MPZL1: variants seen among roughly 807,000 people sequenced by gnomAD.
MPZL1 encodes myelin protein zero-like protein 1.
In MPZL1, 16 loss-of-function variants were observed where a neutral mutation model predicts 29.3. The ratio of observed to expected loss-of-function variants is 0.55; its 90% confidence interval spans 0.37 to 0.83. The LOEUF (loss-of-function observed/expected upper bound fraction) is 0.83. Among genes scored for constraint, MPZL1 ranks in the 40% least tolerant of loss-of-function variants. MPZL1 has a pLI of 0.00. For missense variants in MPZL1, 279 were observed against 332.9 expected (o/e 0.84, Z 1.26); for synonymous variants, 143 against 132.0 (o/e 1.08, Z -0.57).
intron 1 of MPZL1, among the ~76,000 whole-genome samples, chr1:167,731,260 C>A (rs938296047): frequency 3.3e-5 from 5 of 151,954 alleles, no homozygotes; most frequent in African/African-American, 4.8e-5. Context: ...CATGATGAAA[C>A]CCCATCTCTA....
Position 167,722,001 on chromosome 1 carries a change from G to A in MPZL1, c.-151G>A. On this transcript the variant is annotated 5_prime_UTR_variant, in exon 1 of 6. Transcript: ENST00000359523. The stretch of plus-strand genomic sequence containing the variant: ...TTCGGTGCAGAGCTGGAGAGCCGCG[G>A]CTGGGACCGGAGTGGGGAGCGCGGC... 8.8e-7 allele frequency: 1 copy of A among 1,130,110 alleles called. No homozygotes were observed. The highest frequency in any genetic ancestry group is 1.1e-6 in the Non-Finnish European group (1 of 896,050). The allele number at this position is 1,130,110 out of a possible 1,614,324, so 70.0% of individuals were successfully genotyped here.
Position 167,776,164 on chromosome 1 carries a change from C to T in MPZL1, c.706C>T (p.Gln236Ter). The T allele has an allele frequency of 6.2e-7, 1 of 1,609,106 alleles. No homozygotes were observed. The highest frequency in any genetic ancestry group is 8.5e-7 in the Non-Finnish European group (1 of 1,176,302). The stretch of plus-strand genomic sequence containing the variant: ...AAAGAGTCTGCCTTCTGGATCTCAC[C>T]AGGTAATGGCTGATTGCGATTCTGC... Reference protein sequence around the residue: ...LVKSLPSGSHQGPVIYAQLDH... With the variant: ...LVKSLPSGSH The change falls in exon 5 of 6, where the codon CAG becomes TAG. Residue 236 changes from glutamine (Q) to a stop codon, truncating the protein, a stop_gained and splice_region_variant. Coordinates refer to ENST00000359523, the MANE Select transcript of MPZL1 (RefSeq NM_003953.6). LOFTEE classifies it high-confidence loss of function.
At chr1:167,732,673 A>G (rs10918749) in intron 1 of MPZL1, among the ~76,000 whole-genome samples, 60,148 of 151,936 alleles carry the variant, frequency 0.4, 14,349 homozygotes, top group African/African-American at 0.68. Context: ...TTAGAGTGCA[A>G]TGGTGCGACC....
chr1:167,778,189 T>C (rs1187904467), intron 5 of MPZL1, among the ~76,000 whole-genome samples: 1 of 151,792 alleles, frequency 6.6e-6, no homozygotes, highest in African/African-American at 2.4e-5. Flanking sequence ...GGTGTGGTGG[T>C]GCACACCTGT....
chr1:167,731,328 C>T (rs887016950), intron 1 of MPZL1, among the ~76,000 whole-genome samples: 6 of 94 alleles, frequency 0.064, no homozygotes, highest in Admixed American at 0.17. Flanking sequence ...CCCAGCTATT[C>T]GGGAAGGCTG....
intron 1 of MPZL1, among the ~76,000 whole-genome samples, chr1:167,761,064 T>C (rs1230577589): frequency 6.6e-6 from 1 of 152,020 alleles, no homozygotes; most frequent in East Asian, 1.9e-4. Context: ...ACCATGGAGG[T>C]CATTGCATTC....
chr1:167,776,574 T>A (rs1211097523), intron 5 of MPZL1, among the ~76,000 whole-genome samples: 1 of 152,192 alleles, frequency 6.6e-6, no homozygotes, highest in African/African-American at 2.4e-5. Context: ...TTCTTAGTAT[T>A]GATAATAAAA....
At chr1:167,777,149 A>G (rs1287350085) in intron 5 of MPZL1, among the ~76,000 whole-genome samples, 1 of 152,210 alleles carries the variant, frequency 6.6e-6, no homozygotes, top group Non-Finnish European at 1.5e-5. Context: ...AATATATGTC[A>G]GATACCTCAG....
intron 5 of MPZL1, among the ~76,000 whole-genome samples, chr1:167,779,337 C>A (rs1661441888): frequency 6.6e-6 from 1 of 152,096 alleles, no homozygotes; most frequent in Non-Finnish European, 1.5e-5. Flanking sequence ...GTAATCCTAG[C>A]ACTTTGGGAG....
rs1209692425 is a variant in MPZL1 at position 167,788,427 on chromosome 1, C to T, written c.*506C>T. The T allele has an allele frequency of 1.3e-5, 2 of 152,620 alleles. No individual in the cohort carries two copies. The highest frequency in any genetic ancestry group is 2.9e-5 in the Non-Finnish European group (2 of 68,116). 9.5% of individuals were successfully genotyped at this position (152,620 alleles called of 1,614,324 possible). ...GTATCAGTACCATTTATTTGTCTGC[C>T]GCTTTTAAAAAATACCCATTGGCTA... On this transcript the variant is annotated 3_prime_UTR_variant, in exon 6 of 6. Transcript: ENST00000359523.
At chr1:167,786,384 CTTAT>C (rs1661593893) in intron 5 of MPZL1, among the ~76,000 whole-genome samples, 1 of 152,144 alleles carries the variant, frequency 6.6e-6, no homozygotes, top group Admixed American at 6.5e-5. Context: ...TAGGTATCAT[CTTAT>C]TTAATTTTCA....
chr1:167,749,078 A>T (rs114630869), intron 1 of MPZL1, among the ~76,000 whole-genome samples: 1 of 152,220 alleles, frequency 6.6e-6, no homozygotes, highest in South Asian at 2.1e-4. Context: ...CAGGCAACTC[A>T]TGCTATTCAG....
chr1:167,733,687 T>G (rs1660314527), intron 1 of MPZL1, among the ~76,000 whole-genome samples: 2 of 151,252 alleles, frequency 1.3e-5, no homozygotes, highest in African/African-American at 4.9e-5. Flanking sequence ...GAGGTTGCAG[T>G]GAGCTGAGAT....
At chr1:167,759,802 T>C (rs1660943598) in intron 1 of MPZL1, among the ~76,000 whole-genome samples, 1 of 152,154 alleles carries the variant, frequency 6.6e-6, no homozygotes, top group Non-Finnish European at 1.5e-5. Flanking sequence ...ATTCTCTATC[T>C]GGGGTACACT....
intron 4 of MPZL1, chr1:167,774,863 G>T (rs909788929): frequency 6.6e-6 from 1 of 152,144 alleles, no homozygotes; most frequent in African/African-American, 2.4e-5. Context: ...TAATCACATT[G>T]CCCATTACTG....
At chr1:167,773,066 C>T (rs528555723) in intron 3 of MPZL1, among the ~76,000 whole-genome samples, 170 bp from the exon 4 acceptor site, 1 of 152,286 alleles carries the variant, frequency 6.6e-6, no homozygotes, top group South Asian at 2.1e-4. Flanking sequence ...CTAATATTCA[C>T]ATGTCATGAA....
chr1:167,755,248 C>T (rs1337613061), intron 1 of MPZL1, among the ~76,000 whole-genome samples: 3 of 152,066 alleles, frequency 2.0e-5, no homozygotes, highest in Non-Finnish European at 4.4e-5. Flanking sequence ...CGACCGTAGG[C>T]GTATTCTTTC....
At chr1:167,756,454 T>TTA in intron 1 of MPZL1, among the ~76,000 whole-genome samples, 1 of 99,146 alleles carries the variant, frequency 1.0e-5, no homozygotes, top group East Asian at 2.9e-4. Flanking sequence ...TTTTTTTTTT[T>TTA]GGTAATCAAA....
chr1:167,778,666 TAAACAAAGACCTTA>T (rs1661423715), intron 5 of MPZL1, among the ~76,000 whole-genome samples: 1 of 151,876 alleles, frequency 6.6e-6, no homozygotes, highest in African/African-American at 2.4e-5. Flanking sequence ...ATGGGATTCA[TAAACAAAGACCTTA>T]AAATGAGTAT....
Sources: gnomAD v4.1 joint callset for allele counts (sites outside exome capture counted in the v4.1 genomes callset) on GRCh38, gnomAD v4.1.1 for gene constraint, MANE v1.5 for transcripts, NCBI Gene and HGNC (gene_info 2026-07-23, HGNC 2026-07-21) for gene names.